ROBO2: variants seen among roughly 807,000 people sequenced by gnomAD.
ROBO2 encodes roundabout homolog 2.
In ROBO2, 53 loss-of-function variants were observed where a neutral mutation model predicts 160.8. The observed-to-expected ratio is 0.33, with a 90% CI of 0.26 to 0.41. The LOEUF (loss-of-function observed/expected upper bound fraction) is 0.41. ROBO2 is among the 10% of genes least tolerant of loss of function. The pLI is 1.00. For synonymous variants in ROBO2, 664 were observed against 611.7 expected, an observed-to-expected ratio of 1.09 and a Z score of -1.26; for missense variants, 1,577 against 1,722.4, an observed-to-expected ratio of 0.92 and a Z score of 1.49.
intron 2 of ROBO2, among the ~76,000 whole-genome samples, chr3:76,276,659 T>C (rs1576225776): frequency 6.6e-6 from 1 of 152,044 alleles, no homozygotes; most frequent in African/African-American, 2.4e-5. Context: ...ACAATCACGT[T>C]GCTTAAATGA....
chr3:77,316,706 G>T, intron 2 of ROBO2: 1 of 806,738 alleles, frequency 1.2e-6, no homozygotes, highest in Non-Finnish European at 2.2e-6. Context: ...TCTGAAGGTA[G>T]CTATGCTGCA....
chr3:76,120,581 A>G (rs1368765252), intron 2 of ROBO2, among the ~76,000 whole-genome samples: 1 of 152,186 alleles, frequency 6.6e-6, no homozygotes, highest in African/African-American at 2.4e-5. Context: ...GAATGGTTTA[A>G]TGTCTCTTTC....
chr3:76,810,655 G>A (rs2065089674), intron 2 of ROBO2, among the ~76,000 whole-genome samples: 1 of 152,072 alleles, frequency 6.6e-6, no homozygotes, highest in Non-Finnish European at 1.5e-5. Flanking sequence ...AAGGATTCAA[G>A]ACTACTGAAT....
intron 2 of ROBO2, among the ~76,000 whole-genome samples, chr3:77,356,261 A>C (rs1012625417): frequency 3.3e-5 from 5 of 152,168 alleles, no homozygotes; most frequent in African/African-American, 1.2e-4. Context: ...GTTACAAAAC[A>C]ATTTGTTCAG....
intron 8 of ROBO2, among the ~76,000 whole-genome samples, chr3:77,555,296 G>C (rs1368865651): frequency 2.0e-5 from 3 of 151,818 alleles, no homozygotes; most frequent in Non-Finnish European, 4.4e-5. Flanking sequence ...TATTGTTGTG[G>C]TCTAGAACCA....
At chr3:77,151,402 T>C (rs2077535123) in intron 2 of ROBO2, among the ~76,000 whole-genome samples, 1 of 152,132 alleles carries the variant, frequency 6.6e-6, no homozygotes, top group African/African-American at 2.4e-5. Flanking sequence ...GAGATGAAGT[T>C]TATTTAAGGC....
intron 2 of ROBO2, among the ~76,000 whole-genome samples, chr3:76,200,643 G>A (rs149644272): frequency 3.9e-5 from 6 of 152,248 alleles, no homozygotes; most frequent in African/African-American, 1.4e-4. Flanking sequence ...GTTAACAAAG[G>A]CTACAGCAGA....
intron 2 of ROBO2, among the ~76,000 whole-genome samples, chr3:76,047,802 C>T (rs1443549756): frequency 6.6e-6 from 1 of 152,118 alleles, no homozygotes; most frequent in Non-Finnish European, 1.5e-5. Flanking sequence ...AGTCTCTGAT[C>T]TAATAATCTA....
At chr3:76,920,828 ATTACAAAAG>A (rs1478950380) in intron 2 of ROBO2, among the ~76,000 whole-genome samples, 2 of 152,260 alleles carry the variant, frequency 1.3e-5, no homozygotes, top group Non-Finnish European at 2.9e-5. Context: ...TTCAGCTTTG[ATTACAAAAG>A]TTAGACAAAT....
intron 2 of ROBO2, among the ~76,000 whole-genome samples, chr3:76,290,915 T>A (rs2107702560): frequency 6.6e-6 from 1 of 152,286 alleles, no homozygotes; most frequent in Admixed American, 6.5e-5. Context: ...GGATTCAGTT[T>A]GCTAGTATTT....
chr3:77,000,922 G>A (rs2061304454), intron 2 of ROBO2, among the ~76,000 whole-genome samples: 1 of 152,098 alleles, frequency 6.6e-6, no homozygotes, highest in South Asian at 2.1e-4. Context: ...TAGATACAGA[G>A]GTAATTTCCA....
intron 2 of ROBO2, among the ~76,000 whole-genome samples, chr3:77,101,029 G>A (rs2071844411): frequency 1.3e-5 from 2 of 152,184 alleles, no homozygotes; most frequent in Non-Finnish European, 2.9e-5. Context: ...AATTGGAAAG[G>A]TAGGCATGTG....
intron 23 of ROBO2, among the ~76,000 whole-genome samples, chr3:77,627,863 C>A (rs1288404486): frequency 6.6e-6 from 1 of 152,202 alleles, no homozygotes; most frequent in East Asian, 1.9e-4. Flanking sequence ...TCTTATAAAG[C>A]ACAGACTTTA....
intron 2 of ROBO2, among the ~76,000 whole-genome samples, chr3:77,258,622 TAAA>T (rs11451740): frequency 8.3e-6 from 1 of 119,784 alleles, no homozygotes. Context: ...GACTTTGTCT[TAAA>T]AAAAAAAAAA....
At chr3:76,696,178 G>A (rs2593872) in intron 2 of ROBO2, among the ~76,000 whole-genome samples, 4 of 151,846 alleles carry the variant, frequency 2.6e-5, no homozygotes, top group Non-Finnish European at 5.9e-5. Context: ...TCTAGCCTCC[G>A]CAGAATTGTA....
At chr3:77,353,117 T>A (rs986246432) in intron 2 of ROBO2, among the ~76,000 whole-genome samples, 5 of 39,864 alleles carry the variant, frequency 1.3e-4, no homozygotes, top group Non-Finnish European at 2.2e-4. Context: ...AATTTATTTT[T>A]AAAAATGTTA....
intron 2 of ROBO2, among the ~76,000 whole-genome samples, chr3:77,324,509 G>A (rs912994598): frequency 1.3e-5 from 2 of 152,118 alleles, no homozygotes; most frequent in East Asian, 3.9e-4. Context: ...GCCGGGCGCC[G>A]TGGCTCACGC....
intron 2 of ROBO2, among the ~76,000 whole-genome samples, chr3:77,293,811 A>G (rs1172839789): frequency 7.1e-6 from 1 of 141,426 alleles, no homozygotes; most frequent in African/African-American, 2.8e-5. Flanking sequence ...CTAGAACAGT[A>G]AAGACATAAA....
intron 2 of ROBO2, among the ~76,000 whole-genome samples, chr3:76,939,026 TGAATA>T (rs953892323): frequency 2.0e-5 from 3 of 149,510 alleles, no homozygotes; most frequent in Non-Finnish European, 4.4e-5. Context: ...CTGGTTTCTC[TGAATA>T]GAAAACAATG....
Sources: gnomAD v4.1 joint callset for allele counts (sites outside exome capture counted in the v4.1 genomes callset) on GRCh38, gnomAD v4.1.1 for gene constraint, MANE v1.5 for transcripts, NCBI Gene and HGNC (gene_info 2026-07-23, HGNC 2026-07-21) for gene names.